CSNK1G3: variants seen among roughly 807,000 people sequenced by gnomAD.
CSNK1G3 encodes casein kinase I isoform gamma-3.
A neutral mutation model predicts 64.3 loss-of-function variants in CSNK1G3; 23 were observed. The ratio of observed to expected loss-of-function variants is 0.36; its 90% CI spans 0.26 to 0.51. The LOEUF (loss-of-function observed/expected upper bound fraction) is 0.51. CSNK1G3 is among the 20% of genes least tolerant of loss of function. The pLI is 0.96. For synonymous variants in CSNK1G3, 158 were observed against 162.2 expected, an observed-to-expected ratio of 0.97 and a Z score of 0.20; for missense variants, 357 against 510.5, an observed-to-expected ratio of 0.70 and a Z score of 2.90.
At chr5:123,575,950 A>G in exon 6 of CSNK1G3, 1 of 1,606,712 alleles carries the variant, frequency 6.2e-7, no homozygotes, top group East Asian at 2.2e-5. Context: ...GCATAAACAC[A>G]CATTTAGGAA....
chr5:123,595,133 A>G (rs748255109), intron 10 of CSNK1G3: 4 of 1,612,938 alleles, frequency 2.5e-6, no homozygotes, highest in East Asian at 2.2e-5. Flanking sequence ...GGCTCGGTAC[A>G]GGTATTTTCT....
intron 1 of CSNK1G3, among the ~76,000 whole-genome samples, chr5:123,521,954 T>G (rs898665179): frequency 3.9e-5 from 6 of 152,152 alleles, no homozygotes; most frequent in South Asian, 2.1e-4. Flanking sequence ...CATTGATATA[T>G]TTTAGGATTT....
At chr5:123,531,403 A>G (rs1779920850) in intron 1 of CSNK1G3, among the ~76,000 whole-genome samples, 1 of 152,066 alleles carries the variant, frequency 6.6e-6, no homozygotes, top group African/African-American at 2.4e-5. Flanking sequence ...CATGCATATT[A>G]GAGAATCTGA....
intron 8 of CSNK1G3, among the ~76,000 whole-genome samples, chr5:123,589,038 A>G (rs1791852448): frequency 1.3e-5 from 2 of 151,990 alleles, no homozygotes; most frequent in East Asian, 3.9e-4. Flanking sequence ...AATTAAGCCA[A>G]AAAAAATTTA....
intron 1 of CSNK1G3, among the ~76,000 whole-genome samples, chr5:123,523,974 CA>C (rs1226916879): frequency 6.6e-6 from 1 of 152,154 alleles, no homozygotes; most frequent in Non-Finnish European, 1.5e-5. Context: ...TATCACCTGT[CA>C]AAAATCTCTA....
Position 123,594,566 on chromosome 5 carries a change from T to G in CSNK1G3, c.1086+3152T>G, listed in dbSNP as rs113276900. Among the ~76,000 whole-genome samples the G allele has an allele frequency of 6.0e-3, 907 of 152,296 alleles. 8 individuals carry two copies. The highest frequency in any genetic ancestry group is 0.02 in the African/African-American group (846 of 41,566). Reference sequence around the variant, plus strand: ...GGGGGACTAAGCAAGAGAGAAAATATTTTTAGAATCTCAGGTACAGTTATT... The same window carrying G: ...GGGGGACTAAGCAAGAGAGAAAATAGTTTTAGAATCTCAGGTACAGTTATT... On this transcript the variant is annotated intron_variant, in intron 10 of 12. Coordinates refer to ENST00000345990, the Ensembl canonical transcript of CSNK1G3.
intron 8 of CSNK1G3, among the ~76,000 whole-genome samples, chr5:123,589,032 A>C (rs981784161): frequency 3.9e-5 from 6 of 152,170 alleles, no homozygotes; most frequent in African/African-American, 1.4e-4. Context: ...AACTCAAATT[A>C]AGCCAAAAAA....
intron 2 of CSNK1G3, among the ~76,000 whole-genome samples, chr5:123,546,547 T>A (rs1029216933): frequency 3.3e-5 from 5 of 152,036 alleles, no homozygotes; most frequent in Middle Eastern, 3.2e-3. Flanking sequence ...AGTACAGTAG[T>A]GATGTAGCTT....
intron 1 of CSNK1G3, among the ~76,000 whole-genome samples, chr5:123,535,062 A>G (rs1380953107): frequency 6.6e-6 from 1 of 152,152 alleles, no homozygotes; most frequent in African/African-American, 2.4e-5. Context: ...ATAAAAAATA[A>G]GTACGATGTA....
intron 4 of CSNK1G3, among the ~76,000 whole-genome samples, chr5:123,559,673 G>A (rs540922316): frequency 1.3e-5 from 2 of 150,480 alleles, no homozygotes; most frequent in East Asian, 2.0e-4. Context: ...TATTTTGTAC[G>A]AGTCATGAAT....
At chr5:123,546,036 A>G (rs1782460195) in intron 2 of CSNK1G3, 195 bp downstream of exon 2, 5 of 519,732 alleles carry the variant, frequency 9.6e-6, no homozygotes, top group East Asian at 3.0e-5. Context: ...AGGAGTGTCT[A>G]CTTTAGCCAT....
At chr5:123,584,468 A>G (rs955812522) in intron 6 of CSNK1G3, among the ~76,000 whole-genome samples, 4 of 152,178 alleles carry the variant, frequency 2.6e-5, no homozygotes, top group African/African-American at 9.6e-5. Flanking sequence ...ATTGATTTTT[A>G]AAAGTTAAAC....
chr5:123,539,271 A>C (rs1054123037), intron 1 of CSNK1G3, among the ~76,000 whole-genome samples: 2 of 151,968 alleles, frequency 1.3e-5, no homozygotes, highest in African/African-American at 4.8e-5. Context: ...CAACATGGCA[A>C]ACCTTGACTG....
chr5:123,613,611 A>G (rs777282922), intron 12 of CSNK1G3, among the ~76,000 whole-genome samples: 14 of 151,294 alleles, frequency 9.3e-5, no homozygotes, highest in Non-Finnish European at 1.2e-4. Context: ...AGCTCAAGCA[A>G]TCCTCCTGCC....
intron 1 of CSNK1G3, among the ~76,000 whole-genome samples, chr5:123,514,925 C>G (rs1024332286): frequency 6.6e-6 from 1 of 151,626 alleles, no homozygotes; most frequent in Non-Finnish European, 1.5e-5. Flanking sequence ...ATGTACAGAT[C>G]GTAGGCTGAC....
At chr5:123,552,163 T>C (rs1561504814) in intron 2 of CSNK1G3, among the ~76,000 whole-genome samples, 1 of 151,942 alleles carries the variant, frequency 6.6e-6, no homozygotes, top group South Asian at 2.1e-4. Flanking sequence ...TTTTTTTTTT[T>C]TGATGGAGTC....
At position 123,569,325 on chromosome 5, in the gene CSNK1G3, T is replaced by C. The variant is rs370460220; in HGVS notation, c.290-4068T>C. ...TCTTGACTAATTAATTTTTAAATTA[T>C]GAATATGCCTTTGAAACTACACCAA... On this transcript the variant is annotated intron_variant, in intron 4 of 12. Transcript: ENST00000345990. 2.6e-5 allele frequency among the ~76,000 whole-genome samples: 4 copies of C among 152,358 alleles called. No homozygotes were observed. The South Asian group carries it at 8.3e-4, about 32-fold the overall frequency.
At chr5:123,513,977 T>C (rs961083040) in intron 1 of CSNK1G3, among the ~76,000 whole-genome samples, 7 of 152,246 alleles carry the variant, frequency 4.6e-5, no homozygotes, top group African/African-American at 1.7e-4. Context: ...CTTATTCTTT[T>C]GTATAGTTAA....
intron 6 of CSNK1G3, among the ~76,000 whole-genome samples, chr5:123,577,682 G>C (rs1270517287): frequency 6.6e-6 from 1 of 151,426 alleles, no homozygotes; most frequent in Non-Finnish European, 1.5e-5. Context: ...AAGTCTAATA[G>C]AATTATAACA....
Sources: allele counts gnomAD v4.1 joint callset (sites outside exome capture counted in the v4.1 genomes callset), GRCh38; gene constraint gnomAD v4.1.1; transcripts MANE v1.5; gene names NCBI Gene and HGNC (gene_info 2026-07-23, HGNC 2026-07-21).